Variants in CLOCK observed in about 807,000 individuals in gnomAD.
The protein encoded by CLOCK is clock circadian regulator.
CLOCK carries 43 observed loss-of-function variants against 118.4 expected under a neutral mutation model. That is an observed-to-expected ratio of 0.36 (90% CI 0.28 to 0.47). The LOEUF (loss-of-function observed/expected upper bound fraction) is 0.47, where lower values mean the gene tolerates loss of function less well. CLOCK is among the 20% of genes least tolerant of loss of function. The probability of loss-of-function intolerance (pLI) is 1.00; values close to 1 mark genes in which losing one functional copy is unlikely to be tolerated. For missense variants in CLOCK, 846 were observed against 999.9 expected, an observed-to-expected ratio of 0.85 and a Z score of 2.08; for synonymous variants, 326 against 339.2, an observed-to-expected ratio of 0.96 and a Z score of 0.43.
chr4:55,449,767 A>G (rs1203459182), intron 16 of CLOCK, among the ~76,000 whole-genome samples: 1 of 152,090 alleles, frequency 6.6e-6, no homozygotes, highest in Non-Finnish European at 1.5e-5. Context: ...GAAGACAATA[A>G]AAAACTTTCA....
At chr4:55,481,320 TCATAACTTC>T (rs1365411037) in intron 4 of CLOCK, among the ~76,000 whole-genome samples, 1 of 152,110 alleles carries the variant, frequency 6.6e-6, no homozygotes, top group East Asian at 1.9e-4. Context: ...AGAACAGAGT[TCATAACTTC>T]CATGACATTC....
intron 9 of CLOCK, among the ~76,000 whole-genome samples, chr4:55,459,746 T>C (rs986861094): frequency 8.5e-5 from 13 of 152,162 alleles, no homozygotes; most frequent in African/African-American, 1.2e-4. Flanking sequence ...CACTGTGGCA[T>C]TGAACTCCTG....
At chr4:55,508,293 T>C (rs1253162300) in intron 2 of CLOCK, among the ~76,000 whole-genome samples, 1 of 152,220 alleles carries the variant, frequency 6.6e-6, no homozygotes, top group African/African-American at 2.4e-5. Context: ...CAGAGCAGCA[T>C]ACTAATTTTC....
intron 2 of CLOCK, among the ~76,000 whole-genome samples, chr4:55,490,210 A>G (rs1227978814): frequency 6.6e-6 from 1 of 152,148 alleles, no homozygotes. Flanking sequence ...GGCAGCCTAA[A>G]GAGTATAAGT....
chr4:55,477,475 G>GA (rs953118038), intron 6 of CLOCK, among the ~76,000 whole-genome samples: 121 of 151,648 alleles, frequency 8.0e-4, no homozygotes, highest in Middle Eastern at 3.4e-3. Context: ...TAAGGAAGCT[G>GA]AAAAAAAATC....
At chr4:55,447,932 G>A (rs1271594561) in intron 18 of CLOCK, among the ~76,000 whole-genome samples, 1 of 152,166 alleles carries the variant, frequency 6.6e-6, no homozygotes, top group Non-Finnish European at 1.5e-5. Context: ...TGAGTACAGA[G>A]TCATAAATTA....
At chr4:55,456,835 C>T (rs1359013879) in intron 11 of CLOCK, among the ~76,000 whole-genome samples, 7 of 152,118 alleles carry the variant, frequency 4.6e-5, no homozygotes, top group Middle Eastern at 3.4e-3. Flanking sequence ...TGCACCACCA[C>T]GCCCGGCTAA....
chr4:55,438,136 C>G, intron 22 of CLOCK, 146 bp downstream of exon 22: 1 of 1,119,678 alleles, frequency 8.9e-7, no homozygotes, highest in South Asian at 1.6e-5. Context: ...CCAACCAGAA[C>G]AAGCTTTCTA....
At chr4:55,527,456 A>C (rs781615716) in intron 1 of CLOCK, among the ~76,000 whole-genome samples, 1 of 152,168 alleles carries the variant, frequency 6.6e-6, no homozygotes, top group Admixed American at 6.5e-5. Context: ...TAGCTTGCCC[A>C]TATATTTTCT....
At chr4:55,445,582 CTTTTTTTTTTTTT>C (rs56157186) in intron 18 of CLOCK, among the ~76,000 whole-genome samples, 2 of 68,574 alleles carry the variant, frequency 2.9e-5, no homozygotes, top group Non-Finnish European at 5.5e-5. Context: ...TTTCTATATT[CTTTTTTTTTTTTT>C]TTTTTTTTTT....
chr4:55,504,283 CAAAAAAAAAAAA>C (rs35414558), intron 2 of CLOCK, among the ~76,000 whole-genome samples: 11 of 51,950 alleles, frequency 2.1e-4, no homozygotes, highest in African/African-American at 6.4e-4. Context: ...GAGACTCCAT[CAAAAAAAAAAAA>C]AAAAAAAAAA....
In CLOCK at chr4:55,427,961, A is replaced by G. The variant is rs890922355; in HGVS notation, c.*7454T>C. On this transcript the variant is annotated 3_prime_UTR_variant, in exon 23 of 23. Transcript: ENST00000513440. Reference sequence around the variant, plus strand: ...CTTTAAAATCCAAAATGTGATTCTTACAAGTTATGTGCCACATGAAGCAGG... The same window carrying G: ...CTTTAAAATCCAAAATGTGATTCTTGCAAGTTATGTGCCACATGAAGCAGG... 1 of 152,260 alleles carries G rather than the reference A, an allele frequency of 6.6e-6. No individual in the cohort carries two copies. The highest frequency in any genetic ancestry group is 2.4e-5 in the African/African-American group (1 of 41,476). The allele number at this position is 152,260 out of a possible 1,614,324, so 9.4% of individuals were successfully genotyped here.
Sources: gnomAD v4.1 joint callset for allele counts (sites outside exome capture counted in the v4.1 genomes callset) on GRCh38, gnomAD v4.1.1 for gene constraint, MANE v1.5 for transcripts, NCBI Gene and HGNC (gene_info 2026-07-23, HGNC 2026-07-21) for gene names.